Variants in BICDL1 observed in about 807,000 individuals in gnomAD.
The protein encoded by BICDL1 is BICD family like cargo adaptor 1, also known as BICD family-like cargo adapter 1.
BICDL1 carries 20 observed loss-of-function variants against 76.8 expected under a neutral mutation model. The observed-to-expected ratio is 0.26, with a 90% CI of 0.18 to 0.38. BICDL1 has a LOEUF of 0.38. BICDL1 is among the 10% of genes least tolerant of loss of function. The pLI is 1.00. For missense variants in BICDL1, 700 were observed against 798.6 expected, an observed-to-expected ratio of 0.88 and a Z score of 1.49; for synonymous variants, 383 against 337.1, an observed-to-expected ratio of 1.14 and a Z score of -1.49.
chr12:120,057,296 G>A (rs772119700), intron 2 of BICDL1: 22 of 322,930 alleles, frequency 6.8e-5, no homozygotes, highest in Middle Eastern at 1.1e-3. Context: ...ATTACACCGC[G>A]CCTGGCCCAT....
Position 120,080,880 on chromosome 12 carries a change from C to T in BICDL1, c.1453-7C>T, listed in dbSNP as rs940774599. ...CAGCAGTGATACCATATTCATTCTC[C>T]TGTTAGGTGACACTGCTGAGTGTGG... is the stretch of plus-strand genomic sequence containing the variant. On this transcript the variant is annotated splice_polypyrimidine_tract_variant and splice_region_variant and intron_variant, in intron 7 of 9. Coordinates refer to ENST00000548673, the MANE Select transcript of BICDL1 (RefSeq NM_001367886.1). 2.5e-6 allele frequency: 4 copies of T among 1,612,366 alleles called. No homozygotes were observed. The African/African-American group carries it at 5.3e-5, about 22-fold the overall frequency.
chr12:120,091,320 G>A, intron 9 of BICDL1: 1 of 1,060,194 alleles, frequency 9.4e-7, no homozygotes, highest in Non-Finnish European at 1.1e-6. Context: ...ACTCTAAAGG[G>A]CGACCTGGAC....
chr12:120,050,154 G>A (rs370773531), intron 2 of BICDL1, among the ~76,000 whole-genome samples: 7 of 151,758 alleles, frequency 4.6e-5, no homozygotes, highest in East Asian at 3.9e-4. Flanking sequence ...AAAATTACGC[G>A]TCTTTTTATT....
At chr12:120,041,637 G>A (rs1952644358) in intron 2 of BICDL1, among the ~76,000 whole-genome samples, 1 of 152,164 alleles carries the variant, frequency 6.6e-6, no homozygotes, top group African/African-American at 2.4e-5. Flanking sequence ...CACAGGTAGG[G>A]TTAGGGTGAG....
chr12:120,043,340 C>G (rs1041305360), intron 2 of BICDL1, among the ~76,000 whole-genome samples: 1 of 152,100 alleles, frequency 6.6e-6, no homozygotes, highest in African/African-American at 2.4e-5. Flanking sequence ...TGGGGCGTGC[C>G]TATTTAATGA....
intron 2 of BICDL1, among the ~76,000 whole-genome samples, chr12:120,057,819 T>C (rs143470670): frequency 0.035 from 1,936 of 54,614 alleles, 31 homozygotes; most frequent in Non-Finnish European, 0.043. Flanking sequence ...CGATTCCTGC[T>C]TTTTTTTTTT....
At chr12:120,089,817 G>A in intron 8 of BICDL1, 134 bp from the exon 9 acceptor site, 2 of 1,043,480 alleles carry the variant, frequency 1.9e-6, no homozygotes, top group Non-Finnish European at 2.8e-6. Context: ...CATAGTTATT[G>A]TTGCAGCTGC....
intron 1 of BICDL1, among the ~76,000 whole-genome samples, chr12:119,990,661 G>A (rs1421251719): frequency 1.3e-5 from 2 of 152,246 alleles, no homozygotes; most frequent in Non-Finnish European, 2.9e-5. Context: ...CAGGTTTTCA[G>A]AGCAGTTAAT....
intron 1 of BICDL1, among the ~76,000 whole-genome samples, chr12:119,990,819 G>A (rs536855171): frequency 5.3e-4 from 81 of 152,310 alleles, no homozygotes; most frequent in Admixed American, 1.2e-3. Flanking sequence ...CAGGGATTAG[G>A]AAATGTGGTT....
intron 7 of BICDL1, among the ~76,000 whole-genome samples, chr12:120,075,403 T>TA (rs1230471674): frequency 6.6e-6 from 1 of 151,678 alleles, no homozygotes; most frequent in African/African-American, 2.4e-5. Flanking sequence ...TTTTTTTTTT[T>TA]ATTTCTTTTT....
rs1330582341 is a variant in BICDL1, at chr12:120,091,387, T to C, written c.1704+1316T>C. 3 of 1,012,154 alleles carry C rather than the reference T, an allele frequency of 3.0e-6. No homozygotes were observed. The East Asian group carries it at 2.9e-4, about 99-fold the overall frequency. 62.7% of individuals were successfully genotyped at this position (1,012,154 alleles called of 1,614,324 possible). On this transcript the variant is annotated intron_variant, in intron 9 of 9. Transcript: ENST00000548673. ...GTTTTCAGTGTGCCAAACAAAACAT[T>C]GGCAGCTTTGAAAGGTTGGTTTTTG...
At chr12:120,032,810 G>T (rs543361734) in intron 2 of BICDL1, among the ~76,000 whole-genome samples, 1 of 144,714 alleles carries the variant, frequency 6.9e-6, no homozygotes, top group South Asian at 2.2e-4. Flanking sequence ...TCAGTGGCAC[G>T]ATCTTGGCTC....
In BICDL1 at chr12:120,071,835, T is replaced by C. The variant is rs1333637764; in HGVS notation, c.1089+34T>C. On this transcript the variant is annotated intron_variant, in intron 5 of 9. Coordinates refer to ENST00000548673, the MANE Select transcript of BICDL1 (RefSeq NM_001367886.1). This position sits in a 1 kb window ranked among gnomAD's most constrained non-coding sequence, Gnocchi z 4.8. Reference sequence around the variant, plus strand: ...CTGCCTGTCACCCCACAGGCGAGGCTACCTGGGGTTGCTTAGGTCTCATCC... The same window carrying C: ...CTGCCTGTCACCCCACAGGCGAGGCCACCTGGGGTTGCTTAGGTCTCATCC... The C allele has an allele frequency of 6.5e-6, 10 of 1,544,316 alleles. No individual in the cohort carries two copies. The highest frequency in any genetic ancestry group is 7.8e-6 in the Non-Finnish European group (9 of 1,146,518).
In BICDL1 at chr12:120,093,076, T is replaced by G. The variant is rs768732716; in HGVS notation, c.1781T>G (p.Leu594Arg). ...GAACGGAGCCAGCCGGCTGCTGCCCTCTGCAGGGGCCACAGCGCTGGGCGG... is the reference window on the plus strand; with the variant it reads ...GAACGGAGCCAGCCGGCTGCTGCCCGCTGCAGGGGCCACAGCGCTGGGCGG... ...LKERSQPAAA[L>R]CRGHSAGRGD... The change falls in exon 10 of 10, where the codon CTC (leucine) becomes CGC (arginine). Residue 594 changes from leucine (L) to arginine (R), a missense_variant. Leu to Arg is a moderately radical substitution (Grantham distance 102, BLOSUM62 -2). This residue lies in a region of BICDL1 where 455 missense variants were observed against 548.7 expected (regional missense o/e 0.83). Coordinates refer to ENST00000548673, the MANE Select transcript of BICDL1 (RefSeq NM_001367886.1). 17 of 1,607,234 alleles carry G rather than the reference T, an allele frequency of 1.1e-5. No homozygotes were observed. The highest frequency in any genetic ancestry group is 1.4e-5 in the Non-Finnish European group (16 of 1,176,494).
At chr12:120,060,869 G>A (rs771472164) in intron 2 of BICDL1, among the ~76,000 whole-genome samples, 4 of 152,134 alleles carry the variant, frequency 2.6e-5, no homozygotes, top group East Asian at 1.9e-4. Flanking sequence ...TTTCCTGGCC[G>A]TTCCAGCACA....
intron 4 of BICDL1, among the ~76,000 whole-genome samples, chr12:120,067,645 T>C (rs1953249354): frequency 6.6e-6 from 1 of 152,240 alleles, no homozygotes; most frequent in Admixed American, 6.5e-5. Context: ...GTTCCCTTGC[T>C]GTTATCATTA....
chr12:120,068,973 A>AC (rs1368738495), intron 4 of BICDL1, among the ~76,000 whole-genome samples: 3 of 152,106 alleles, frequency 2.0e-5, no homozygotes, highest in Admixed American at 6.6e-5. Context: ...AGGAAAGAGC[A>AC]CTGCCCACAA....
At chr12:120,057,031 A>G in intron 2 of BICDL1, 2 of 512,876 alleles carry the variant, frequency 3.9e-6, no homozygotes, top group Non-Finnish European at 7.8e-6. Context: ...GAATGGTAAC[A>G]GCAATGGATG....
intron 2 of BICDL1, among the ~76,000 whole-genome samples, chr12:120,046,280 T>C (rs1055960786): frequency 6.6e-6 from 1 of 152,204 alleles, no homozygotes; most frequent in African/African-American, 2.4e-5. Context: ...TTCAGGCTCT[T>C]TAAGGTCTGC....
Sources: allele counts gnomAD v4.1 joint callset (sites outside exome capture counted in the v4.1 genomes callset), GRCh38; gene constraint gnomAD v4.1.1; regional missense constraint gnomAD v4.1.1; non-coding constraint Gnocchi (gnomAD v3.1); transcripts MANE v1.5; gene names NCBI Gene and HGNC (gene_info 2026-07-23, HGNC 2026-07-21).